CEP152: variants seen among roughly 807,000 people sequenced by gnomAD.
The protein encoded by CEP152 is centrosomal protein of 152 kDa.
Under a neutral mutation model 188.9 loss-of-function variants are expected in CEP152, and 132 were observed. That is an observed-to-expected ratio of 0.70 (90% CI 0.61 to 0.81). The LOEUF (loss-of-function observed/expected upper bound fraction) is 0.81, where lower values mean the gene tolerates loss of function less well. Ranked by LOEUF, CEP152 falls within the 30% of genes least tolerant of loss-of-function variation. CEP152 has a pLI of 0.00. For missense variants in CEP152, 1,914 were observed against 1,969.8 expected (o/e 0.97, Z 0.54); for synonymous variants, 649 against 666.6 (o/e 0.97, Z 0.41).
chr15:48,782,034 G>C lies in CEP152; in HGVS notation c.1413+105C>G, dbSNP rs74012153. 1,289 of 1,033,072 alleles carry C rather than the reference G, an allele frequency of 1.2e-3. 13 individuals are homozygous for C. The African/African-American group carries it at 0.019, about 15-fold the overall frequency. 64.0% of individuals were successfully genotyped at this position (1,033,072 alleles called of 1,614,324 possible). The stretch of plus-strand genomic sequence containing the variant: ...ACTCCCATGGGCTGGTTTGAAGGTG[G>C]TCCAACCACCTCTATTATACAGAGA... On this transcript the variant is annotated intron_variant, in intron 11 of 26. Transcript: ENST00000380950.
Position 48,755,903 on chromosome 15 carries a change from CT to C in CEP152, c.3344del (p.Lys1115ArgfsTer71). The C allele has an allele frequency of 1.2e-6, 2 of 1,613,436 alleles. No homozygotes were observed. The highest frequency in any genetic ancestry group is 1.7e-6 in the Non-Finnish European group (2 of 1,179,866). On this transcript the variant is annotated frameshift_variant and splice_region_variant, in exon 20 of 27. Transcript: ENST00000380950. LOFTEE classifies it high-confidence loss of function. The part of the protein sequence containing the change: ...LVENADPEWK[K>X]RNMAELSKDS... The stretch of plus-strand genomic sequence containing the variant: ...CCTTCTCTCACTCTCAGGAACATAC[CT>C]TTTTCCATTCTGGGTCAGCGTTTTC...
intron 21 of CEP152, among the ~76,000 whole-genome samples, chr15:48,750,892 G>C (rs1256341241): frequency 6.6e-6 from 1 of 152,146 alleles, no homozygotes; most frequent in Non-Finnish European, 1.5e-5. Flanking sequence ...AGAGGTTGCA[G>C]GCATAGAACT....
At chr15:48,758,617 G>A (rs978087889) in intron 19 of CEP152, among the ~76,000 whole-genome samples, 2 of 149,248 alleles carry the variant, frequency 1.3e-5, no homozygotes, top group Admixed American at 6.8e-5. Context: ...TACTTGGGAG[G>A]CAGAGGCAGG....
At chr15:48,750,639 C>G (rs1893800815) in intron 21 of CEP152, among the ~76,000 whole-genome samples, 1 of 152,026 alleles carries the variant, frequency 6.6e-6, no homozygotes. Context: ...TATTCATACA[C>G]TGAAATACTA....
At chr15:48,795,112 G>C (rs1455414798) in intron 6 of CEP152, among the ~76,000 whole-genome samples, 1 of 152,208 alleles carries the variant, frequency 6.6e-6, no homozygotes, top group Admixed American at 6.5e-5. Context: ...ACAATAATTA[G>C]AAGCTATTTA....
rs1894229344 is a variant in CEP152 at position 48,755,980 on chromosome 15, G to GT, written c.3267dup (p.Leu1090ThrfsTer21). 1 of 1,613,898 alleles carries GT rather than the reference G, an allele frequency of 6.2e-7. No individual in the cohort carries two copies. The highest frequency in any genetic ancestry group is 1.1e-5 in the South Asian group (1 of 91,078). On this transcript the variant is annotated frameshift_variant, in exon 20 of 27. Coordinates refer to ENST00000380950, the MANE Select transcript of CEP152 (RefSeq NM_001194998.2). LOFTEE classifies it high-confidence loss of function. ...AATGCTTTCTGTATGCAGCCCTTTA[G>GT]TTTTTCAAAATATTGCACAGACATC...
Position 48,756,241 on chromosome 15 carries a change from T to G in CEP152, c.3007A>C (p.Lys1003Gln). The G allele has an allele frequency of 6.2e-7, 1 of 1,608,236 alleles. No individual in the cohort carries two copies. Among genetic ancestry groups the G allele is most frequent in the South Asian group, 1.1e-5 (1 of 89,818 alleles). The change falls in exon 20 of 27, where the codon AAA (lysine) becomes CAA (glutamine). Residue 1003 changes from lysine to glutamine, a missense_variant. Coordinates refer to ENST00000380950, the MANE Select transcript of CEP152 (RefSeq NM_001194998.2). ...VLAAAKEDFM[K>Q]QKTELLLQKE... is the part of the protein sequence containing the mutation. ...TGAAGAAGTAGTTCAGTTTTTTGTTTCATAAAGTCTTCTTTAGCTGCCGCA... is the reference window on the plus strand; with the variant it reads ...TGAAGAAGTAGTTCAGTTTTTTGTTGCATAAAGTCTTCTTTAGCTGCCGCA...
chr15:48,792,811 A>C (rs1226451316), intron 7 of CEP152, among the ~76,000 whole-genome samples: 2 of 151,838 alleles, frequency 1.3e-5, no homozygotes, highest in African/African-American at 2.4e-5. Context: ...GGACTCCAAA[A>C]TAGAGTGTCT....
chr15:48,788,234 A>G (rs1014007360), intron 9 of CEP152, among the ~76,000 whole-genome samples: 3 of 152,170 alleles, frequency 2.0e-5, no homozygotes, highest in African/African-American at 7.2e-5. Flanking sequence ...AAGTAATGTG[A>G]AAGTTGAGAA....
intron 2 of CEP152, 22 bp downstream of exon 2, chr15:48,805,541 T>C (rs756718506): frequency 4.8e-5 from 76 of 1,585,070 alleles, no homozygotes; most frequent in Middle Eastern, 3.4e-4. Context: ...GTCTCTTTTT[T>C]TTTTTTTTTT....
chr15:48,767,434 T>G lies in CEP152; in HGVS notation c.2048A>C (p.Glu683Ala). Residue 683 changes from glutamate (E) to alanine (A), a missense_variant, in exon 16 of 27, where the codon GAA (glutamate) becomes GCA (alanine). Physicochemically the swap from Glu to Ala is moderately radical, Grantham distance 107. Transcript: ENST00000380950. The stretch of plus-strand genomic sequence containing the variant: ...TTCACGTATTTGAGTTTTCATGGCT[T>G]CATGGTGCTGCTGATAAGTCCTTTC... ...RCERTYQQHH[E>A]AMKTQIRESL... 1 of 1,614,170 alleles carries G rather than the reference T, an allele frequency of 6.2e-7. No individual in the cohort carries two copies. The highest frequency in any genetic ancestry group is 1.1e-5 in the South Asian group (1 of 91,082).
At chr15:48,733,152 G>A (rs185519496), downstream of CEP152, among the ~76,000 whole-genome samples, 2 of 152,174 alleles carry the variant, frequency 1.3e-5, no homozygotes, top group East Asian at 3.9e-4. Flanking sequence ...TAGTATAGTA[G>A]GGTAACTATA....
intron 24 of CEP152, 61 bp downstream of exon 24, chr15:48,744,174 GTTTAC>G: frequency 1.3e-6 from 2 of 1,590,302 alleles, no homozygotes; most frequent in African/African-American, 1.4e-5. Context: ...TAAACTCTGA[GTTTAC>G]TTTAACAGTG....
chr15:48,793,295 ATAAAT>A (rs1457666272), intron 7 of CEP152, 21 bp downstream of exon 7: 1 of 1,613,052 alleles, frequency 6.2e-7, no homozygotes, highest in African/African-American at 1.3e-5. Context: ...AGTGTACCTC[ATAAAT>A]GACAGCATCC....
rs1362960016 is a variant in CEP152, at chr15:48,741,834, C to A, written c.3989+113G>T. ...AGCACAGCCATAAACCTCTCTTAAC[C>A]CCCTATGGCTGATCATGTAGAAATA... On this transcript the variant is annotated intron_variant, in intron 25 of 26. Coordinates refer to ENST00000380950, the MANE Select transcript of CEP152 (RefSeq NM_001194998.2). 4 of 1,608,878 alleles carry A rather than the reference C, an allele frequency of 2.5e-6. No individual in the cohort carries two copies. The East Asian group carries it at 8.9e-5, about 36-fold the overall frequency.
At chr15:48,773,939 G>A (rs776077129) in intron 12 of CEP152, among the ~76,000 whole-genome samples, 4 of 152,096 alleles carry the variant, frequency 2.6e-5, no homozygotes, top group Non-Finnish European at 4.4e-5. Context: ...ACCATACCAG[G>A]AGAAAAACCA....
At chr15:48,791,585 G>A (rs752405726) in intron 7 of CEP152, among the ~76,000 whole-genome samples, 2 of 152,086 alleles carry the variant, frequency 1.3e-5, no homozygotes. Flanking sequence ...GTCTCACTCC[G>A]TCGCCCAGGC....
chr15:48,794,953 C>A (rs1355561378), intron 6 of CEP152, among the ~76,000 whole-genome samples: 1 of 152,214 alleles, frequency 6.6e-6, no homozygotes, highest in Non-Finnish European at 1.5e-5. Context: ...TATGAAGTCA[C>A]AACCCAAAAG....
intron 13 of CEP152, 100 bp downstream of exon 13, chr15:48,772,387 G>T: frequency 1.0e-6 from 1 of 991,854 alleles, no homozygotes; most frequent in Non-Finnish European, 1.6e-6. Context: ...CTCCAGCCTG[G>T]AAGACAGAGT....
Sources: gnomAD v4.1 joint callset for allele counts (sites outside exome capture counted in the v4.1 genomes callset) on GRCh38, gnomAD v4.1.1 for gene constraint, MANE v1.5 for transcripts, NCBI Gene and HGNC (gene_info 2026-07-23, HGNC 2026-07-21) for gene names.